Variants in RBM19 observed in about 807,000 individuals in gnomAD.
RBM19 encodes the protein probable RNA-binding protein 19.
Under a neutral mutation model 116.8 loss-of-function variants are expected in RBM19, and 94 were observed. The ratio of observed to expected loss-of-function variants is 0.80; its 90% confidence interval spans 0.68 to 0.95. The LOEUF is 0.95. RBM19 is among the 40% of genes least tolerant of loss of function. The pLI, the probability that RBM19 is intolerant of heterozygous loss-of-function variation, is 0.00. For missense variants in RBM19, 1,161 were observed against 1,220.7 expected, an observed-to-expected ratio of 0.95 and a Z score of 0.73; for synonymous variants, 475 against 494.1, an observed-to-expected ratio of 0.96 and a Z score of 0.51.
intron 7 of RBM19, among the ~76,000 whole-genome samples, chr12:113,953,881 G>A (rs1449037329): frequency 6.6e-6 from 1 of 152,234 alleles, no homozygotes; most frequent in Admixed American, 6.5e-5. Flanking sequence ...AGAAAACAAC[G>A]AATATGTGAC....
intron 6 of RBM19, among the ~76,000 whole-genome samples, chr12:113,956,576 C>CAAAAAAAAAAAAAAAAAAAAAAAA (rs10592306): frequency 1.5e-5 from 1 of 66,234 alleles, no homozygotes; most frequent in Non-Finnish European, 2.8e-5. Context: ...AAGACTGTCT[C>CAAAAAAAAAAAAAAAAAAAAAAAA]AAAAAAAAAA....
At position 113,959,414 on chromosome 12, in the gene RBM19, C is replaced by A. The variant is rs756590536; in HGVS notation, c.379-10G>T. On this transcript the variant is annotated splice_polypyrimidine_tract_variant and intron_variant, in intron 4 of 23. Coordinates refer to ENST00000261741, the MANE Select transcript of RBM19 (RefSeq NM_016196.4). ...CTGTATCCTCCTTCAGCTGGTGGCA[C>A]CAGAACCCGGGCGGCAGGGACACGG... is the stretch of plus-strand genomic sequence containing the variant. 3 of 1,595,514 alleles carry A rather than the reference C, an allele frequency of 1.9e-6. No individual in the cohort carries two copies. Among genetic ancestry groups the A allele is most frequent in the South Asian group, 2.2e-5 (2 of 90,520 alleles).
chr12:113,955,495 G>A (rs1310383715), intron 6 of RBM19, among the ~76,000 whole-genome samples: 2 of 149,492 alleles, frequency 1.3e-5, no homozygotes, highest in African/African-American at 5.1e-5. Flanking sequence ...GGCAGGGTGG[G>A]AATGTGAAGG....
intron 21 of RBM19, among the ~76,000 whole-genome samples, chr12:113,861,474 C>G (rs966367128): frequency 1.6e-5 from 2 of 126,420 alleles, no homozygotes; most frequent in Non-Finnish European, 3.3e-5. Context: ...AAGCCAGACT[C>G]TGTGTGTGTG....
At chr12:113,925,766 G>A (rs1869009040) in intron 17 of RBM19, among the ~76,000 whole-genome samples, 1 of 152,200 alleles carries the variant, frequency 6.6e-6, no homozygotes, top group African/African-American at 2.4e-5. Flanking sequence ...CTTGAATTCA[G>A]AGGATGCTCT....
At chr12:113,949,272 G>A (rs1739735656) in intron 9 of RBM19, among the ~76,000 whole-genome samples, 1 of 152,200 alleles carries the variant, frequency 6.6e-6, no homozygotes. Flanking sequence ...GAGGGAGCCT[G>A]CCTGAGTTAT....
chr12:113,942,291 T>TGCTG (rs1566031737), intron 14 of RBM19, 33 bp downstream of exon 14: 3 of 1,586,938 alleles, frequency 1.9e-6, no homozygotes, highest in Admixed American at 3.4e-5. Context: ...CTCCAGTGGC[T>TGCTG]GCTGGCTGGC....
intron 22 of RBM19, among the ~76,000 whole-genome samples, chr12:113,850,679 C>T (rs1369355629): frequency 6.6e-6 from 1 of 152,244 alleles, no homozygotes; most frequent in South Asian, 2.1e-4. Flanking sequence ...TCCCAAGGGG[C>T]TGCGAAGAAC....
At chr12:113,855,704 C>G (rs1301997851) in intron 22 of RBM19, among the ~76,000 whole-genome samples, 2 of 152,106 alleles carry the variant, frequency 1.3e-5, no homozygotes, top group Non-Finnish European at 2.9e-5. Context: ...CTCACTAATT[C>G]CTTCTGCTGA....
intron 21 of RBM19, among the ~76,000 whole-genome samples, chr12:113,905,066 C>T (rs999954779): frequency 2.0e-5 from 3 of 152,200 alleles, no homozygotes; most frequent in African/African-American, 4.8e-5. Flanking sequence ...TCTCCTCACA[C>T]CTGCTAGTCC....
chr12:113,862,970 C>T (rs1878512046), intron 21 of RBM19, among the ~76,000 whole-genome samples: 1 of 152,158 alleles, frequency 6.6e-6, no homozygotes, highest in African/African-American at 2.4e-5. Context: ...ACCCCCTCTG[C>T]CATGCCAGGA....
At chr12:113,953,523 C>A (rs1204436220) in intron 7 of RBM19, among the ~76,000 whole-genome samples, 1 of 152,164 alleles carries the variant, frequency 6.6e-6, no homozygotes, top group Non-Finnish European at 1.5e-5. Context: ...ACACGATCTA[C>A]AAATGTGAGA....
chr12:113,889,900 AAAAC>A (rs1399253238), intron 21 of RBM19, among the ~76,000 whole-genome samples: 1 of 151,700 alleles, frequency 6.6e-6, no homozygotes, highest in Admixed American at 6.6e-5. Context: ...GGGAAAAAAA[AAAAC>A]AAAGAAAAGG....
rs1566034383 is a variant in RBM19, at chr12:113,945,825, C to T, written c.1626+3G>A. ...CAGAGAGGACTGGTCGGCCCTTACT[C>T]ACGTGGTCAAACACTTGACTCTTGG... On this transcript the variant is annotated splice_donor_region_variant and intron_variant, in intron 13 of 23. Transcript: ENST00000261741. 1 of 1,543,460 alleles carries T rather than the reference C, an allele frequency of 6.5e-7. No individual in the cohort carries two copies. Among genetic ancestry groups the T allele is most frequent in the East Asian group, 2.2e-5 (1 of 44,544 alleles).
At chr12:113,963,537 CTG>C (rs1275922025) in intron 1 of RBM19, among the ~76,000 whole-genome samples, 1 of 152,204 alleles carries the variant, frequency 6.6e-6, no homozygotes, top group African/African-American at 2.4e-5. Context: ...CTCAATCACA[CTG>C]TGAGTTAGGA....
At chr12:113,936,864 TGA>T in intron 16 of RBM19, 141 bp downstream of exon 16, 3 of 1,109,580 alleles carry the variant, frequency 2.7e-6, no homozygotes, top group Non-Finnish European at 2.5e-6. Flanking sequence ...CCATAAAATC[TGA>T]GAGTCTGAGC....
chr12:113,912,473 C>T (rs544611004), intron 21 of RBM19, among the ~76,000 whole-genome samples: 7 of 152,322 alleles, frequency 4.6e-5, no homozygotes, highest in Admixed American at 2.0e-4. Context: ...GGCTCCAAGC[C>T]GGGGCTCTGG....
chr12:113,937,357 T>A, intron 15 of RBM19: 1 of 409,242 alleles, frequency 2.4e-6, no homozygotes, highest in Non-Finnish European at 4.3e-6. Flanking sequence ...AGAGAGGCTT[T>A]AGTCTCTGTT....
chr12:113,841,629 T>C (rs1876485732), intron 23 of RBM19, among the ~76,000 whole-genome samples: 1 of 152,162 alleles, frequency 6.6e-6, no homozygotes, highest in African/African-American at 2.4e-5. Context: ...TTCACCATGT[T>C]GGCCAGGCTG....
Sources: gnomAD v4.1 joint callset for allele counts (sites outside exome capture counted in the v4.1 genomes callset) on GRCh38, gnomAD v4.1.1 for gene constraint, MANE v1.5 for transcripts, NCBI Gene and HGNC (gene_info 2026-07-23, HGNC 2026-07-21) for gene names.